FLNB: variants seen among roughly 807,000 people sequenced by gnomAD.
FLNB encodes filamin B, also known as filamin-B.
A neutral mutation model predicts 250.6 loss-of-function variants in FLNB; 111 were observed. That is an observed-to-expected ratio of 0.44 (90% CI 0.38 to 0.52). The LOEUF (loss-of-function observed/expected upper bound fraction) is 0.52, where lower values mean the gene tolerates loss of function less well. Ranked by LOEUF, FLNB falls within the 20% of genes least tolerant of loss-of-function variation. FLNB has a pLI of 0.00. For synonymous variants in FLNB, 1,302 were observed against 1,372.1 expected (o/e 0.95, Z 1.13); for missense variants, 2,869 against 3,447.8 (o/e 0.83, Z 4.20).
In FLNB at chr3:58,018,815, G is replaced by A. The variant is rs572099619; in HGVS notation, c.292+9959G>A. ...TTACGAGTGTGAGCCATTGTGCCCC[G>A]CCTATGTATTCATTTCTTAAAATTG... On this transcript the variant is annotated intron_variant, in intron 1 of 45. Coordinates refer to ENST00000295956, the MANE Select transcript of FLNB (RefSeq NM_001457.4). Among the ~76,000 whole-genome samples, 9 of 152,034 alleles carry A rather than the reference G, an allele frequency of 5.9e-5. No homozygotes were observed. In the East Asian group the frequency reaches 1.7e-3, roughly 29 times the overall value.
At chr3:58,069,807 CT>C (rs1202127738) in intron 1 of FLNB, among the ~76,000 whole-genome samples, 1 of 152,178 alleles carries the variant, frequency 6.6e-6, no homozygotes, top group East Asian at 1.9e-4. Context: ...TAATTAATTG[CT>C]TGGCTCAGAG....
rs2097243629 is a variant in FLNB at position 58,098,709 on chromosome 3, A to G, written c.1148-2A>G. 6.2e-7 allele frequency: 1 copy of G among 1,611,880 alleles called. No homozygotes were observed. Among genetic ancestry groups the G allele is most frequent in the Non-Finnish European group, 8.5e-7 (1 of 1,178,072 alleles). On this transcript the variant is annotated splice_acceptor_variant, in intron 7 of 45. Coordinates refer to ENST00000295956, the MANE Select transcript of FLNB (RefSeq NM_001457.4). LOFTEE classifies it high-confidence loss of function. ...GCTCATGGAATGCTTGCTTTCTTGT[A>G]GGAGCTGGTGTGGGTGACATTGGTG... is the stretch of plus-strand genomic sequence containing the variant.
chr3:58,142,009 G>T lies in FLNB; in HGVS notation c.5181+80G>T. The T allele has an allele frequency of 8.1e-7, 1 of 1,233,740 alleles. No homozygotes were observed. Among genetic ancestry groups the T allele is most frequent in the African/African-American group, 1.5e-5 (1 of 67,904 alleles). 76.4% of individuals were successfully genotyped at this position (1,233,740 alleles called of 1,614,324 possible). A position where few individuals can be genotyped will look rare whatever the true frequency, so the allele number is the denominator to read the frequency against. ...CAGAAAATCTGCCATCTGCTTCTGG[G>T]ATTGCTTAAGCCCTGTGGGTGTCCT... On this transcript the variant is annotated intron_variant, in intron 30 of 45. Transcript: ENST00000295956. The surrounding 1 kb of genome is among the most constrained non-coding windows in gnomAD (Gnocchi z 4.3).
intron 1 of FLNB, among the ~76,000 whole-genome samples, chr3:58,031,000 G>A (rs1004283529): frequency 5.3e-5 from 8 of 152,230 alleles, no homozygotes; most frequent in East Asian, 3.9e-4. Flanking sequence ...CTATGATACC[G>A]TTTATATGAA....
intron 1 of FLNB, among the ~76,000 whole-genome samples, chr3:58,026,944 T>G (rs940701259): frequency 6.6e-6 from 1 of 152,164 alleles, no homozygotes; most frequent in South Asian, 2.1e-4. Context: ...ACTTTTTCCA[T>G]GTGATGGGGC....
chr3:58,076,785 A>G (rs2097202317), intron 1 of FLNB, among the ~76,000 whole-genome samples: 1 of 152,152 alleles, frequency 6.6e-6, no homozygotes, highest in Admixed American at 6.5e-5. Flanking sequence ...TTTTAGGCGT[A>G]TACAAAAGTA....
In FLNB at chr3:58,142,410, G is replaced by T. The variant is rs1465024007; in HGVS notation, c.5182-240G>T. On this transcript the variant is annotated intron_variant, in intron 30 of 45. Transcript: ENST00000295956. This position sits in a 1 kb window ranked among gnomAD's most constrained non-coding sequence, Gnocchi z 4.3. The stretch of plus-strand genomic sequence containing the variant: ...TCCACTTTCCCGTGGGTGCTGCTGG[G>T]AATTTTACAAACAGACTCCCGAGTG... Among the ~76,000 whole-genome samples the T allele has an allele frequency of 1.3e-5, 2 of 152,216 alleles. No homozygotes were observed.
At chr3:58,116,992 G>A (rs1048988955) in intron 18 of FLNB, among the ~76,000 whole-genome samples, 1 of 152,174 alleles carries the variant, frequency 6.6e-6, no homozygotes, top group Non-Finnish European at 1.5e-5. Context: ...GGCCCTAAAA[G>A]GGATGGTGCT....
At chr3:58,078,865 G>T (rs372192183) in intron 3 of FLNB, 51 bp downstream of exon 3, 520 of 1,424,320 alleles carry the variant, frequency 3.7e-4, no homozygotes, top group Non-Finnish European at 4.8e-4. Context: ...CCACTAGCTT[G>T]TTCTGTGGAT....
At chr3:58,121,185 T>C in intron 19 of FLNB, 56 bp from the exon 20 acceptor site, 1 of 1,612,454 alleles carries the variant, frequency 6.2e-7, no homozygotes. Flanking sequence ...TGCTCTGGAT[T>C]GTTCCTGCTG....
At position 58,061,325 on chromosome 3, in the gene FLNB, C is replaced by T. The variant is rs552479817; in HGVS notation, c.293-15721C>T. ...TTCATAATACCTGTTGATTTTCCCACGTTAGTACCTATAGATCCTGACAAG... is the reference window on the plus strand; with the variant it reads ...TTCATAATACCTGTTGATTTTCCCATGTTAGTACCTATAGATCCTGACAAG... On this transcript the variant is annotated intron_variant, in intron 1 of 45. Coordinates refer to ENST00000295956, the MANE Select transcript of FLNB (RefSeq NM_001457.4). Among the ~76,000 whole-genome samples, 4 of 152,280 alleles carry T rather than the reference C, an allele frequency of 2.6e-5. No homozygotes were observed. The South Asian group carries it at 6.2e-4, about 24-fold the overall frequency.
At chr3:58,104,955 A>C in intron 10 of FLNB, 125 bp from the exon 11 acceptor site, 1 of 1,235,250 alleles carries the variant, frequency 8.1e-7, no homozygotes, top group South Asian at 1.2e-5. Flanking sequence ...GCTTGGCTGC[A>C]GTTTGGGATG....
intron 18 of FLNB, among the ~76,000 whole-genome samples, chr3:58,114,414 G>A (rs1249399228): frequency 6.6e-6 from 1 of 152,234 alleles, no homozygotes. Context: ...GGGATTATAG[G>A]CATGAGCCAC....
chr3:58,145,369 T>C (rs574654324), intron 32 of FLNB, among the ~76,000 whole-genome samples: 59 of 152,356 alleles, frequency 3.9e-4, no homozygotes, highest in African/African-American at 1.4e-3. Context: ...TCACTCTTTT[T>C]AATGGCCCAT....
chr3:58,049,242 G>A (rs181106118), intron 1 of FLNB, among the ~76,000 whole-genome samples: 3 of 152,132 alleles, frequency 2.0e-5, no homozygotes, highest in African/African-American at 4.8e-5. Flanking sequence ...CCAAGCCCAC[G>A]TCCCACCGCC....
rs372966042 is a variant in FLNB, at chr3:58,035,193, A to G, written c.292+26337A>G. ...GACTTAGGGTAATCCCCTTGTCCAC[A>G]TCTGTGAAGTGAGATTACCTCTTCA... On this transcript the variant is annotated intron_variant, in intron 1 of 45. Coordinates refer to ENST00000295956, the MANE Select transcript of FLNB (RefSeq NM_001457.4). Among the ~76,000 whole-genome samples the G allele has an allele frequency of 5.7e-4, 87 of 152,324 alleles. No homozygotes were observed. In the Middle Eastern group the frequency reaches 0.024, roughly 42 times the overall value.
intron 12 of FLNB, among the ~76,000 whole-genome samples, chr3:58,107,665 G>A (rs2097261848): frequency 1.3e-5 from 2 of 152,182 alleles, no homozygotes; most frequent in South Asian, 4.1e-4. Flanking sequence ...TTAAGTTGGA[G>A]CAATGTTTCC....
chr3:58,092,370 A>ACAGTGACT (rs1559686368), intron 4 of FLNB, among the ~76,000 whole-genome samples: 1 of 152,238 alleles, frequency 6.6e-6, no homozygotes, highest in East Asian at 1.9e-4. Context: ...TAGGCTGGGC[A>ACAGTGACT]CAGTGACTCC....
At position 58,126,522 on chromosome 3, in the gene FLNB, G is replaced by A. The variant is rs554545588; in HGVS notation, c.4062-80G>A. On this transcript the variant is annotated intron_variant, in intron 23 of 45. Transcript: ENST00000295956. ...GGCTACGTGGAATAGTTTATAAAGGGAATTTGCATGAATTTTGGCAATAAG... is the reference window on the plus strand; with the variant it reads ...GGCTACGTGGAATAGTTTATAAAGGAAATTTGCATGAATTTTGGCAATAAG... 5.4e-3 allele frequency: 7,410 copies of A among 1,379,034 alleles called. 41 individuals carry two copies. The highest frequency in any genetic ancestry group is 7.4e-3 in the Middle Eastern group (31 of 4,166). The allele number at this position is 1,379,034 out of a possible 1,614,324, so 85.4% of individuals were successfully genotyped here. A position where few individuals can be genotyped will look rare whatever the true frequency, so the allele number is the denominator to read the frequency against.
Sources: gnomAD v4.1 joint callset for allele counts (sites outside exome capture counted in the v4.1 genomes callset) on GRCh38, gnomAD v4.1.1 for gene constraint, Gnocchi (gnomAD v3.1) non-coding constraint, MANE v1.5 for transcripts, NCBI Gene and HGNC (gene_info 2026-07-23, HGNC 2026-07-21) for gene names.